Variants in STYXL1 observed in about 807,000 individuals in gnomAD.
STYXL1 encodes serine/threonine/tyrosine interacting like 1.
STYXL1 carries 32 observed loss-of-function variants against 36.4 expected under a neutral mutation model. The observed-to-expected ratio is 0.88, with a 90% confidence interval of 0.66 to 1.18. The LOEUF is 1.18. STYXL1 is among the 50% of genes most tolerant of loss of function. The probability of loss-of-function intolerance (pLI) is 0.00; values close to 1 mark genes in which losing one functional copy is unlikely to be tolerated. For missense variants in STYXL1, 354 were observed against 394.1 expected (o/e 0.90, Z 0.86); for synonymous variants, 133 against 144.1 (o/e 0.92, Z 0.55).
At chr7:76,028,235 T>C (rs150685585) in intron 3 of STYXL1, among the ~76,000 whole-genome samples, 11,370 of 152,072 alleles carry the variant, frequency 0.075, 524 homozygotes, top group South Asian at 0.14. Context: ...GGTTTCACCA[T>C]GTTGGCCAGT....
At position 76,047,921 on chromosome 7, in the gene STYXL1, C is replaced by A. The variant is rs995854421; in HGVS notation, c.-264G>T. ...GACCGCAGGTCCCCCACCGGCCACA[C>A]AGACGGCTACGCTAGAACCCAGCCA... On this transcript the variant is annotated 5_prime_UTR_variant, in exon 1 of 9. Coordinates refer to ENST00000359697, the MANE Select transcript of STYXL1 (RefSeq NM_001317785.2). 1.1e-5 allele frequency: 15 copies of A among 1,426,888 alleles called. No homozygotes were observed. The highest frequency in any genetic ancestry group is 1.2e-5 in the Non-Finnish European group (13 of 1,092,240). 88.4% of individuals were successfully genotyped at this position (1,426,888 alleles called of 1,614,324 possible).
chr7:76,011,270 T>C (rs782159657), intron 5 of STYXL1, among the ~76,000 whole-genome samples: 1 of 152,188 alleles, frequency 6.6e-6, no homozygotes, highest in Non-Finnish European at 1.5e-5. Flanking sequence ...CAATTTTGTT[T>C]CCTCTATACC....
At chr7:76,006,076 C>CT (rs1563468816) in intron 5 of STYXL1, among the ~76,000 whole-genome samples, 1 of 151,858 alleles carries the variant, frequency 6.6e-6, no homozygotes, top group Non-Finnish European at 1.5e-5. Context: ...CTTTTCTTTT[C>CT]TTTTTTTAAA....
At chr7:76,037,879 G>A (rs368508389) in intron 1 of STYXL1, among the ~76,000 whole-genome samples, 1 of 150,014 alleles carries the variant, frequency 6.7e-6, no homozygotes, top group Admixed American at 6.6e-5. Context: ...TCTGGTTCGC[G>A]GTGGGAAGCT....
intron 8 of STYXL1, chr7:76,000,592 C>T: frequency 1.9e-6 from 1 of 517,994 alleles, no homozygotes; most frequent in Non-Finnish European, 3.7e-6. Flanking sequence ...CCAAGCAGTT[C>T]TCCCTTGGGC....
intron 4 of STYXL1, among the ~76,000 whole-genome samples, chr7:76,015,993 G>A (rs1333421943): frequency 6.6e-6 from 1 of 152,076 alleles, no homozygotes; most frequent in Admixed American, 6.6e-5. Context: ...GACTCACACT[G>A]GCTTCCTTGC....
chr7:76,036,790 TTTTTTTTTTTTTGAG>T (rs1795951431), intron 1 of STYXL1, among the ~76,000 whole-genome samples: 1 of 139,918 alleles, frequency 7.1e-6, no homozygotes, highest in Non-Finnish European at 1.6e-5. Flanking sequence ...CTCTTTTTTT[TTTTTTTTTTTTTGAG>T]ACGGAGTCCC....
rs1796962647 is a variant in STYXL1, at chr7:76,046,277, TGTGTGTGTG to T, written c.-5+1376_-5+1384del. On this transcript the variant is annotated intron_variant, in intron 1 of 8. Transcript: ENST00000359697. ...CCAGCATGTCTCAGCTTATCTGCTGTGTGTGTGTGTGTGTGTGTGTGTGTGTGTGTGTGT... is the reference window on the plus strand; with the variant it reads ...CCAGCATGTCTCAGCTTATCTGCTGTTGTGTGTGTGTGTGTGTGTGTGTGT... Among the ~76,000 whole-genome samples, 41 of 17,988 alleles carry T rather than the reference TGTGTGTGTG, an allele frequency of 2.3e-3. 1 individual carries two copies. The highest frequency in any genetic ancestry group is 4.4e-3 in the Admixed American group (7 of 1,604). 11.8% of individuals were successfully genotyped at this position (17,988 alleles called of 152,430 possible). A position where few individuals can be genotyped will look rare whatever the true frequency, so the allele number is the denominator to read the frequency against.
At chr7:76,000,778 C>G (rs1585173407) in intron 8 of STYXL1, 112 bp downstream of exon 8, 1 of 804,842 alleles carries the variant, frequency 1.2e-6, no homozygotes, top group East Asian at 2.5e-5. Flanking sequence ...TTGGAGTTAT[C>G]TGGGATTCTT....
intron 3 of STYXL1, among the ~76,000 whole-genome samples, chr7:76,025,787 C>CA (rs1336741626): frequency 2.4e-4 from 36 of 151,848 alleles, no homozygotes; most frequent in African/African-American, 8.7e-4. Context: ...GATTCTGTCT[C>CA]AAAAACACAA....
At chr7:76,000,552 G>A (rs1333975903) in intron 8 of STYXL1, 2 of 477,530 alleles carry the variant, frequency 4.2e-6, no homozygotes, top group East Asian at 1.2e-4. Flanking sequence ...GACGGGAGTG[G>A]GTGGGCGCCT....
chr7:76,005,653 T>G (rs1456215150), intron 5 of STYXL1, among the ~76,000 whole-genome samples: 1 of 152,056 alleles, frequency 6.6e-6, no homozygotes, highest in African/African-American at 2.4e-5. Flanking sequence ...GTCCATTCCC[T>G]CCGTGGCAAC....
intron 1 of STYXL1, among the ~76,000 whole-genome samples, chr7:76,046,809 C>G (rs1797165369): frequency 6.6e-6 from 1 of 151,562 alleles, no homozygotes; most frequent in Admixed American, 6.6e-5. Context: ...CACCACCACG[C>G]TGGGCTAATT....
chr7:76,007,237 G>A (rs1279259962), intron 5 of STYXL1, among the ~76,000 whole-genome samples: 1 of 152,032 alleles, frequency 6.6e-6, no homozygotes, highest in Non-Finnish European at 1.5e-5. Flanking sequence ...GACCAACCTG[G>A]CCAACGAGTG....
In STYXL1 at chr7:76,028,678, G is replaced by A. The variant is rs782769455; in HGVS notation, c.129C>T (p.Asp43=). ...GAAGGGCAGTGATCACATGGCTTTC[G>A]TCATACTCCCATTTGGAACGGACAT... ...LLDVRSKWEY[D]ESHVITALRV... is the part of the protein sequence containing the mutation. The change falls in exon 3 of 9, where the codon GAC becomes GAT. Residue 43 remains aspartate, a synonymous_variant. Transcript: ENST00000359697. 19 of 1,613,966 alleles carry A rather than the reference G, an allele frequency of 1.2e-5. No homozygotes were observed. Among genetic ancestry groups the A allele is most frequent in the Admixed American group, 5.0e-5 (3 of 59,972 alleles).
At chr7:76,037,492 TTCA>T (rs1379410652) in intron 1 of STYXL1, among the ~76,000 whole-genome samples, 1 of 149,798 alleles carries the variant, frequency 6.7e-6, no homozygotes, top group Non-Finnish European at 1.5e-5. Context: ...GAAGGGATGT[TTCA>T]TTAGAGGTTG....
At chr7:76,000,462 C>T (rs1554566577) in intron 8 of STYXL1, 2 of 457,428 alleles carry the variant, frequency 4.4e-6, no homozygotes, top group Non-Finnish European at 8.8e-6. Flanking sequence ...TTAGGAGCTC[C>T]GAGTTCCGCC....
At chr7:76,040,847 AGAAAAGAAAAT>A (rs1554582026) in intron 1 of STYXL1, among the ~76,000 whole-genome samples, 1 of 151,948 alleles carries the variant, frequency 6.6e-6, no homozygotes, top group African/African-American at 2.4e-5. Context: ...AAAAGAAAAA[AGAAAAGAAAAT>A]GAAAAGAAAA....
rs1554580541 is a variant in STYXL1, at chr7:76,035,602, C to T, written c.-4-5075G>A. Reference sequence around the variant, plus strand: ...TCTTAAGGATCTCCTCACTCCCACCCCCCAAGTCAGGTTCCACATCCTCTG... The same window carrying T: ...TCTTAAGGATCTCCTCACTCCCACCTCCCAAGTCAGGTTCCACATCCTCTG... On this transcript the variant is annotated intron_variant, in intron 1 of 8. Coordinates refer to ENST00000359697, the MANE Select transcript of STYXL1 (RefSeq NM_001317785.2). 3.3e-5 allele frequency among the ~76,000 whole-genome samples: 5 copies of T among 149,886 alleles called. 1 individual carries two copies. The Middle Eastern group carries it at 0.011, about 321-fold the overall frequency.
Sources: allele counts gnomAD v4.1 joint callset (sites outside exome capture counted in the v4.1 genomes callset), GRCh38; gene constraint gnomAD v4.1.1; transcripts MANE v1.5; gene names NCBI Gene and HGNC (gene_info 2026-07-23, HGNC 2026-07-21).